Variants in SYAP1 observed in about 807,000 individuals in gnomAD.
The protein encoded by SYAP1 is synapse-associated protein 1.
Under a neutral mutation model 29.6 loss-of-function variants are expected in SYAP1, and 3 were observed. The observed-to-expected ratio is 0.10, with a 90% CI of 0.05 to 0.26. SYAP1 has a LOEUF of 0.26. Ranked by LOEUF, SYAP1 falls within the 10% of genes least tolerant of loss-of-function variation. SYAP1 has a pLI of 1.00. For synonymous variants in SYAP1, 102 were observed against 102.7 expected (o/e 0.99, Z 0.04); for missense variants, 217 against 264.1 (o/e 0.82, Z 1.24).
chrX:16,756,693 T>G lies in SYAP1; in HGVS notation c.755T>G (p.Val252Gly). ...GTACGGCCCAAAACGCCACCCGTTG[T>G]AATCAAATCTCAGCTTAAAACTCAA... is the stretch of plus-strand genomic sequence containing the variant. ...EAVRPKTPPVVIKSQLKTQED... is the reference protein window; with the variant it reads ...EAVRPKTPPVGIKSQLKTQED... The change falls in exon 7 of 9, where the codon GTA (valine) becomes GGA (glycine). Residue 252 changes from valine to glycine, a missense_variant. Transcript: ENST00000380155. The G allele has an allele frequency of 8.3e-7, 1 of 1,211,664 alleles. No homozygotes were observed. The highest frequency in any genetic ancestry group is 1.1e-6 in the Non-Finnish European group (1 of 895,179).
chrX:16,741,148 A>G (rs1218558735), intron 3 of SYAP1, among the ~76,000 whole-genome samples: 1 of 110,374 alleles, frequency 9.1e-6, no homozygotes, highest in Non-Finnish European at 1.9e-5. Flanking sequence ...TGATCACCTG[A>G]TTAAGGAGTT....
intron 7 of SYAP1, 48 bp downstream of exon 7, chrX:16,756,769 G>T (rs1926851618): frequency 9.1e-7 from 1 of 1,093,716 alleles, no homozygotes; most frequent in Non-Finnish European, 1.3e-6. Flanking sequence ...TGGAAATAAA[G>T]TAACTGTGTT....
intron 5 of SYAP1, among the ~76,000 whole-genome samples, chrX:16,753,763 G>A (rs964248615): frequency 9.9e-5 from 11 of 111,496 alleles, no homozygotes; most frequent in Non-Finnish European, 1.9e-4. Flanking sequence ...ACCTCATGAC[G>A]GAGGTCATTT....
chrX:16,744,633 C>T (rs1348241109), intron 5 of SYAP1, among the ~76,000 whole-genome samples: 1 of 111,979 alleles, frequency 8.9e-6, no homozygotes, highest in South Asian at 3.7e-4. Flanking sequence ...GAGTTCGAGA[C>T]CAGCCTGGGC....
chrX:16,749,035 G>A (rs993711700), intron 5 of SYAP1, among the ~76,000 whole-genome samples: 6 of 110,534 alleles, frequency 5.4e-5, no homozygotes, highest in Admixed American at 9.7e-5. Context: ...GATTACAGGC[G>A]TGAACCTCCG....
intron 7 of SYAP1, 52 bp downstream of exon 7, chrX:16,756,773 CTG>C: frequency 9.4e-7 from 1 of 1,061,378 alleles, no homozygotes; most frequent in Non-Finnish European, 1.3e-6. Context: ...AATAAAGTAA[CTG>C]TGTTAACTCT....
chrX:16,745,155 T>C (rs943462757), intron 5 of SYAP1, among the ~76,000 whole-genome samples: 2 of 112,303 alleles, frequency 1.8e-5, no homozygotes, highest in Non-Finnish European at 3.8e-5. Context: ...TCAGTAGCTG[T>C]GGGAAGGTAG....
chrX:16,723,638 G>A (rs928229631), intron 1 of SYAP1, among the ~76,000 whole-genome samples: 12 of 112,081 alleles, frequency 1.1e-4, no homozygotes, highest in Non-Finnish European at 1.7e-4. Flanking sequence ...ATGAAATATA[G>A]TATCTTTGAA....
chrX:16,756,330 T>G (rs1000273744), intron 6 of SYAP1, among the ~76,000 whole-genome samples: 1 of 112,100 alleles, frequency 8.9e-6, no homozygotes, highest in East Asian at 2.8e-4. Context: ...TTGAATATGA[T>G]GACATGTTAA....
intron 5 of SYAP1, among the ~76,000 whole-genome samples, chrX:16,752,200 A>G (rs1926749706): frequency 1.9e-5 from 2 of 107,336 alleles, no homozygotes; most frequent in East Asian, 2.9e-4. Flanking sequence ...GCTGGTCTCA[A>G]ACTCCTGACC....
At chrX:16,744,198 A>C (rs1926543020) in intron 5 of SYAP1, among the ~76,000 whole-genome samples, 1 of 112,524 alleles carries the variant, frequency 8.9e-6, no homozygotes, top group African/African-American at 3.2e-5. Context: ...CTCCAGTGGC[A>C]GTGTTCCTGC....
chrX:16,745,753 AG>A (rs1926586268), intron 5 of SYAP1, among the ~76,000 whole-genome samples: 2 of 108,567 alleles, frequency 1.8e-5, no homozygotes, highest in Admixed American at 2.0e-4. Context: ...AAAAAAAAAA[AG>A]ATTACTGTCT....
chrX:16,737,046 C>T, intron 3 of SYAP1, among the ~76,000 whole-genome samples: 1 of 111,760 alleles, frequency 8.9e-6, no homozygotes, highest in Non-Finnish European at 1.9e-5. Context: ...CTCAGCATGC[C>T]TACTCTTACC....
Position 16,760,258 on chromosome X carries a change from C to G in SYAP1, c.958C>G (p.Leu320Val). ...EEDSADWEKE[L>V]QQELQEYEVV... ...GGATTCTGCAGATTGGGAAAAAGAA[C>G]TGCAGCAGGAACTTCAAGAATATGA... is the stretch of plus-strand genomic sequence containing the variant. Residue 320 changes from leucine to valine, a missense_variant, in exon 9 of 9, where the codon CTG (leucine) becomes GTG (valine). By Grantham distance (32) the Leu-to-Val change is conservative. Transcript: ENST00000380155. The G allele has an allele frequency of 8.4e-7, 1 of 1,195,552 alleles. No homozygotes were observed. Among genetic ancestry groups the G allele is most frequent in the Non-Finnish European group, 1.1e-6 (1 of 889,518 alleles).
At chrX:16,733,510 C>T (rs1926253828) in intron 1 of SYAP1, among the ~76,000 whole-genome samples, 1 of 111,187 alleles carries the variant, frequency 9.0e-6, no homozygotes, top group Non-Finnish European at 1.9e-5. Context: ...AGAGGCAAGA[C>T]CGCCCTAATG....
At position 16,755,040 on chromosome X, in the gene SYAP1, C is replaced by T; in HGVS notation, c.671C>T (p.Ala224Val). The T allele has an allele frequency of 1.7e-6, 2 of 1,211,545 alleles. No individual in the cohort carries two copies. The highest frequency in any genetic ancestry group is 2.2e-6 in the Non-Finnish European group (2 of 895,326). Residue 224 changes from alanine to valine, a missense_variant, in exon 6 of 9, where the codon GCC (alanine) becomes GTC (valine). Coordinates refer to ENST00000380155, the MANE Select transcript of SYAP1 (RefSeq NM_032796.4). Reference sequence around the variant, plus strand: ...ACGGCCCTGGCTGCCCAACAGCAGGCCGCAGGGAAGGAGGAGAAGAGCAAT... The same window carrying T: ...ACGGCCCTGGCTGCCCAACAGCAGGTCGCAGGGAAGGAGGAGAAGAGCAAT... Reference protein sequence around the residue: ...QLTALAAQQQAAGKEEKSNGR... With the variant: ...QLTALAAQQQVAGKEEKSNGR...
intron 5 of SYAP1, among the ~76,000 whole-genome samples, chrX:16,752,090 C>CT (rs1286168752): frequency 9.5e-6 from 1 of 105,639 alleles, no homozygotes; most frequent in Non-Finnish European, 1.9e-5. Flanking sequence ...AGCGATTCTC[C>CT]TGCCTCAGCC....
chrX:16,720,611 G>A (rs368472418), intron 1 of SYAP1, among the ~76,000 whole-genome samples: 5 of 112,476 alleles, frequency 4.4e-5, no homozygotes, highest in South Asian at 7.2e-4. Context: ...CTCTTTCCAA[G>A]TTTACAGTCT....
In SYAP1 at chrX:16,750,903, G is replaced by A. The variant is rs774127889; in HGVS notation, c.576-4042G>A. On this transcript the variant is annotated intron_variant, in intron 5 of 8. Coordinates refer to ENST00000380155, the MANE Select transcript of SYAP1 (RefSeq NM_032796.4). ...CTGCATTAGCCTCCCAGGTAGCTGCGATTACAGGTGTGCACCACCACGCCC... is the reference window on the plus strand; with the variant it reads ...CTGCATTAGCCTCCCAGGTAGCTGCAATTACAGGTGTGCACCACCACGCCC... 5.6e-5 allele frequency among the ~76,000 whole-genome samples: 6 copies of A among 107,851 alleles called. No individual in the cohort carries two copies. The South Asian group carries it at 1.7e-3, about 30-fold the overall frequency. 93.7% of individuals were successfully genotyped at this position (107,851 alleles called of 115,157 possible).
Sources: allele counts gnomAD v4.1 joint callset (sites outside exome capture counted in the v4.1 genomes callset), GRCh38; gene constraint gnomAD v4.1.1; transcripts MANE v1.5; gene names NCBI Gene and HGNC (gene_info 2026-07-23, HGNC 2026-07-21).